SMCHD1: variants seen among roughly 807,000 people sequenced by gnomAD.
The protein encoded by SMCHD1 is structural maintenance of chromosomes flexible hinge domain containing 1.
SMCHD1 carries 78 observed loss-of-function variants against 254.7 expected under a neutral mutation model. The ratio of observed to expected loss-of-function variants is 0.31; its 90% CI spans 0.26 to 0.37. The LOEUF is 0.37. Among genes scored for constraint, SMCHD1 ranks in the 10% least tolerant of loss-of-function variants. The pLI is 1.00. For synonymous variants in SMCHD1, 766 were observed against 794.9 expected (o/e 0.96, Z 0.61); for missense variants, 1,840 against 2,408.1 (o/e 0.76, Z 4.94).
chr18:2,793,651 C>T (rs1345557943), intron 45 of SMCHD1, among the ~76,000 whole-genome samples: 4 of 52,380 alleles, frequency 7.6e-5, no homozygotes, highest in East Asian at 2.3e-3. Context: ...GGCGAGACTC[C>T]GTCTCAAAAA....
chr18:2,680,030 A>G (rs2073889063), intron 5 of SMCHD1, among the ~76,000 whole-genome samples: 1 of 152,066 alleles, frequency 6.6e-6, no homozygotes, highest in Non-Finnish European at 1.5e-5. Flanking sequence ...CAAATCCAGA[A>G]TTTCTATTCA....
At chr18:2,735,903 A>C (rs986454587) in intron 25 of SMCHD1, among the ~76,000 whole-genome samples, 2 of 152,230 alleles carry the variant, frequency 1.3e-5, no homozygotes, top group Non-Finnish European at 2.9e-5. Context: ...GAAAAAAGCT[A>C]TTCTAAAATT....
chr18:2,700,312 G>T (rs2074373431), intron 10 of SMCHD1, among the ~76,000 whole-genome samples: 1 of 152,170 alleles, frequency 6.6e-6, no homozygotes, highest in South Asian at 2.1e-4. Context: ...AAAGATGACA[G>T]GCCCAGCAGC....
At chr18:2,670,799 G>A (rs1279252283) in intron 3 of SMCHD1, among the ~76,000 whole-genome samples, 1 of 151,540 alleles carries the variant, frequency 6.6e-6, no homozygotes, top group Non-Finnish European at 1.5e-5. Flanking sequence ...TACTCGAGAG[G>A]CTGAGGCAGG....
Position 2,804,188 on chromosome 18 carries a change from A to G in SMCHD1, c.*1636A>G, listed in dbSNP as rs1427637785. On this transcript the variant is annotated 3_prime_UTR_variant, in exon 48 of 48. Coordinates refer to ENST00000320876, the MANE Select transcript of SMCHD1 (RefSeq NM_015295.3). ...TAATATGTGGAACTAGTTTGCTTTT[A>G]TAATTCATTGTATCAAGAAGGAGTC... is the stretch of plus-strand genomic sequence containing the variant. The G allele has an allele frequency of 1.3e-5, 2 of 152,242 alleles. No homozygotes were observed. Among genetic ancestry groups the G allele is most frequent in the Non-Finnish European group, 2.9e-5 (2 of 68,044 alleles). 9.4% of individuals were successfully genotyped at this position (152,242 alleles called of 1,614,324 possible). A position where few individuals can be genotyped will look rare whatever the true frequency, so the allele number is the denominator to read the frequency against.
intron 13 of SMCHD1, among the ~76,000 whole-genome samples, chr18:2,704,092 T>C (rs1038713132): frequency 2.0e-5 from 3 of 152,186 alleles, no homozygotes; most frequent in Non-Finnish European, 2.9e-5. Context: ...ATTTAACTTA[T>C]TTTTAGATTC....
chr18:2,763,513 C>A, intron 36 of SMCHD1, 124 bp from the exon 37 acceptor site: 1 of 783,066 alleles, frequency 1.3e-6, no homozygotes, highest in Non-Finnish European at 1.9e-6. Flanking sequence ...TGTGCTTAGA[C>A]TAAGAAAGAT....
chr18:2,775,695 G>A (rs1420637632), intron 41 of SMCHD1, 39 bp from the exon 42 acceptor site: 3 of 1,469,192 alleles, frequency 2.0e-6, no homozygotes, highest in African/African-American at 1.5e-5. Flanking sequence ...TTTTATATAT[G>A]GATTTTATAT....
intron 8 of SMCHD1, among the ~76,000 whole-genome samples, chr18:2,696,426 G>A (rs2074286980): frequency 6.6e-6 from 1 of 152,172 alleles, no homozygotes; most frequent in Non-Finnish European, 1.5e-5. Context: ...AATGTGAACT[G>A]TGCATGTGAG....
chr18:2,716,496 C>A (rs1350807620), intron 17 of SMCHD1, among the ~76,000 whole-genome samples: 1 of 152,178 alleles, frequency 6.6e-6, no homozygotes, highest in Admixed American at 6.5e-5. Flanking sequence ...GTGTAACTTC[C>A]AGGGGTCCCA....
intron 25 of SMCHD1, among the ~76,000 whole-genome samples, chr18:2,736,138 G>A (rs573893407): frequency 2.0e-4 from 31 of 152,234 alleles, no homozygotes; most frequent in East Asian, 1.2e-3. Flanking sequence ...TGACAAAGGC[G>A]ACAATAACAA....
chr18:2,795,643 G>GC, intron 45 of SMCHD1, among the ~76,000 whole-genome samples: 1 of 152,266 alleles, frequency 6.6e-6, no homozygotes, highest in South Asian at 2.1e-4. Context: ...CTGAATATCA[G>GC]ACAAGATATA....
intron 30 of SMCHD1, among the ~76,000 whole-genome samples, chr18:2,748,714 CTG>C (rs1049393126): frequency 6.6e-6 from 1 of 152,020 alleles, no homozygotes; most frequent in Non-Finnish European, 1.5e-5. Flanking sequence ...TATTTTTATA[CTG>C]TCTCTTCTGT....
rs1361560951 is a variant in SMCHD1 at position 2,798,841 on chromosome 18, C to G, written c.5993+2320C>G. ...TAGAGAGACCAGAACCCACTTCCCA[C>G]TAAGGAAATTCCTCAAGGTGCAGTT... On this transcript the variant is annotated intron_variant, in intron 47 of 47. Coordinates refer to ENST00000320876, the MANE Select transcript of SMCHD1 (RefSeq NM_015295.3). Among the ~76,000 whole-genome samples the G allele has an allele frequency of 3.3e-5, 5 of 152,314 alleles. No individual in the cohort carries two copies. The East Asian group carries it at 9.6e-4, about 29-fold the overall frequency.
chr18:2,730,159 G>C (rs955869464), intron 24 of SMCHD1, among the ~76,000 whole-genome samples: 5 of 151,844 alleles, frequency 3.3e-5, no homozygotes, highest in African/African-American at 1.2e-4. Context: ...TTACACAAAG[G>C]GATTTTTTTT....
intron 5 of SMCHD1, among the ~76,000 whole-genome samples, chr18:2,680,006 G>T (rs1404010730): frequency 6.6e-6 from 1 of 151,772 alleles, no homozygotes; most frequent in African/African-American, 2.4e-5. Flanking sequence ...TTTCATTTTG[G>T]TTATTGTTTT....
intron 44 of SMCHD1, among the ~76,000 whole-genome samples, chr18:2,783,658 C>T (rs1278918057): frequency 2.0e-5 from 3 of 151,998 alleles, no homozygotes; most frequent in South Asian, 4.2e-4. Flanking sequence ...CTGCAACCTC[C>T]GCCTCCTGGA....
chr18:2,672,568 G>A lies in SMCHD1; in HGVS notation c.425-713G>A, dbSNP rs112165133. Among the ~76,000 whole-genome samples the A allele has an allele frequency of 1.6e-3, 245 of 152,328 alleles. 2 individuals are homozygous for A. The highest frequency in any genetic ancestry group is 5.7e-3 in the African/African-American group (238 of 41,574). On this transcript the variant is annotated intron_variant, in intron 3 of 47. Coordinates refer to ENST00000320876, the MANE Select transcript of SMCHD1 (RefSeq NM_015295.3). ...TTAATTACAGCTTTTGTGGGGTTAA[G>A]CTTCTGCAGAATTAAGATACGTAAA...
chr18:2,721,636 G>A (rs777809556), intron 19 of SMCHD1, among the ~76,000 whole-genome samples: 6 of 152,084 alleles, frequency 3.9e-5, no homozygotes, highest in Admixed American at 6.5e-5. Flanking sequence ...ATCCCAAAAG[G>A]CTATGCCATG....
Sources: allele counts gnomAD v4.1 joint callset (sites outside exome capture counted in the v4.1 genomes callset), GRCh38; gene constraint gnomAD v4.1.1; transcripts MANE v1.5; gene names NCBI Gene and HGNC (gene_info 2026-07-23, HGNC 2026-07-21).